Variants in CFAP70 observed in about 807,000 individuals in gnomAD.
CFAP70 encodes the protein cilia and flagella associated protein 70.
A neutral mutation model predicts 137.6 loss-of-function variants in CFAP70; 81 were observed. That is an observed-to-expected ratio of 0.59 (90% CI 0.49 to 0.71). CFAP70 has a LOEUF of 0.71. CFAP70 is among the 30% of genes least tolerant of loss of function. CFAP70 has a pLI of 0.00. For missense variants in CFAP70, 976 were observed against 1,226.7 expected (o/e 0.80, Z 3.05); for synonymous variants, 382 against 423.6 (o/e 0.90, Z 1.20).
chr10:73,293,640 G>A, intron 15 of CFAP70: 1 of 323,088 alleles, frequency 3.1e-6, no homozygotes. Context: ...AAATTGCTTA[G>A]GGCAGAAATA....
At chr10:73,270,338 A>G (rs954043618) in intron 24 of CFAP70, among the ~76,000 whole-genome samples, 2 of 151,860 alleles carry the variant, frequency 1.3e-5, no homozygotes, top group African/African-American at 4.8e-5. Flanking sequence ...TGCTTTGTAA[A>G]ACATTCCAAA....
At chr10:73,270,995 C>T (rs1189295767) in intron 24 of CFAP70, among the ~76,000 whole-genome samples, 3 of 152,142 alleles carry the variant, frequency 2.0e-5, no homozygotes, top group African/African-American at 7.2e-5. Flanking sequence ...TGCTCTGTGT[C>T]AGGCAGTATG....
At chr10:73,274,528 C>G (rs774444363) in exon 23 of CFAP70, 3 of 1,614,150 alleles carry the variant, frequency 1.9e-6, no homozygotes, top group Non-Finnish European at 2.5e-6. Flanking sequence ...TCATAGCATG[C>G]CTTGGCCTCA....
chr10:73,274,321 G>A, intron 23 of CFAP70, 112 bp downstream of exon 24: 1 of 1,240,952 alleles, frequency 8.1e-7, no homozygotes, highest in Non-Finnish European at 1.1e-6. Context: ...ACCTTTGGAT[G>A]TAAAAGTGTC....
At chr10:73,325,341 A>G (rs1184772080) in intron 8 of CFAP70, among the ~76,000 whole-genome samples, 1 of 152,200 alleles carries the variant, frequency 6.6e-6, no homozygotes, top group Non-Finnish European at 1.5e-5. Context: ...AGGAAGCACT[A>G]AACATGGAAA....
At chr10:73,327,571 T>C (rs1390990791) in intron 8 of CFAP70, among the ~76,000 whole-genome samples, 6 of 151,848 alleles carry the variant, frequency 4.0e-5, no homozygotes, top group African/African-American at 1.5e-4. Context: ...GATGACATGA[T>C]TGTATATCTA....
chr10:73,255,832 A>G (rs1236123555), intron 26 of CFAP70, among the ~76,000 whole-genome samples: 2 of 152,150 alleles, frequency 1.3e-5, no homozygotes, highest in Non-Finnish European at 2.9e-5. Context: ...GGCGTGAGCC[A>G]CCATGCCTGG....
chr10:73,348,012 T>C, intron 4 of CFAP70, 144 bp downstream of exon 5: 1 of 709,652 alleles, frequency 1.4e-6, no homozygotes. Context: ...CCTTATTATC[T>C]TTGTTTCCCA....
intron 7 of CFAP70, among the ~76,000 whole-genome samples, chr10:73,332,874 C>T (rs1219663751): frequency 6.6e-6 from 1 of 152,024 alleles, no homozygotes; most frequent in African/African-American, 2.4e-5. Context: ...AATTAAAGGG[C>T]TATAAAGAAT....
At position 73,314,970 on chromosome 10, in the gene CFAP70, T is replaced by C. The variant is rs189893559; in HGVS notation, c.913-2327A>G. Reference sequence around the variant, plus strand: ...TACTCACACCTGTAATCCCAGCACTTTGGGAGGCCAAGGCAGGAGGATCGT... The same window carrying C: ...TACTCACACCTGTAATCCCAGCACTCTGGGAGGCCAAGGCAGGAGGATCGT... On this transcript the variant is annotated intron_variant, in intron 9 of 26. Coordinates refer to ENST00000310715, the Ensembl canonical transcript of CFAP70. Among the ~76,000 whole-genome samples, 27 of 151,486 alleles carry C rather than the reference T, an allele frequency of 1.8e-4. 1 individual carries two copies. The highest frequency in any genetic ancestry group is 6.5e-4 in the African/African-American group (27 of 41,418).
At chr10:73,285,453 C>A (rs2047615656) in intron 19 of CFAP70, among the ~76,000 whole-genome samples, 1 of 152,058 alleles carries the variant, frequency 6.6e-6, no homozygotes, top group African/African-American at 2.4e-5. Context: ...CTGCTTCTGG[C>A]AATTATTGAC....
intron 7 of CFAP70, among the ~76,000 whole-genome samples, chr10:73,332,649 T>A (rs187334574): frequency 5.9e-4 from 90 of 152,308 alleles, no homozygotes; most frequent in African/African-American, 2.0e-3. Context: ...GAATTACAAC[T>A]GAGAGGGCTA....
At chr10:73,351,580 G>T (rs1057388258) in intron 3 of CFAP70, among the ~76,000 whole-genome samples, 1 of 151,988 alleles carries the variant, frequency 6.6e-6, no homozygotes, top group Non-Finnish European at 1.5e-5. Context: ...CTACAGGCAG[G>T]CTCCACCACG....
At chr10:73,285,739 A>G (rs1054952938) in intron 19 of CFAP70, among the ~76,000 whole-genome samples, 2 of 151,696 alleles carry the variant, frequency 1.3e-5, no homozygotes, top group Non-Finnish European at 2.9e-5. Context: ...GGTTCAAGCA[A>G]TTCTCCTGCC....
chr10:73,265,582 A>C (rs1317981016), intron 25 of CFAP70, among the ~76,000 whole-genome samples: 1 of 152,174 alleles, frequency 6.6e-6, no homozygotes, highest in Non-Finnish European at 1.5e-5. Context: ...GGTTGTTTCC[A>C]TTATTTTGCA....
rs2046634930 is a variant in CFAP70 at position 73,275,337 on chromosome 10, A to T, written c.2673+109T>A. On this transcript the variant is annotated intron_variant, in intron 22 of 26. Coordinates refer to ENST00000310715, the Ensembl canonical transcript of CFAP70. This position sits in a 1 kb window ranked among gnomAD's most constrained non-coding sequence, Gnocchi z 4.0. ...GGTATAGAGAGATGAGTTTACTGACAGCTGATGACCACCCTTCTGTTCACC... is the reference window on the plus strand; with the variant it reads ...GGTATAGAGAGATGAGTTTACTGACTGCTGATGACCACCCTTCTGTTCACC... The T allele has an allele frequency of 2.3e-6, 3 of 1,284,806 alleles. No homozygotes were observed. In the South Asian group the frequency reaches 4.7e-5, roughly 20 times the overall value. 79.6% of individuals were successfully genotyped at this position (1,284,806 alleles called of 1,614,324 possible).
intron 19 of CFAP70, among the ~76,000 whole-genome samples, chr10:73,286,872 C>T (rs368440619): frequency 1.4e-5 from 2 of 139,758 alleles, no homozygotes; most frequent in African/African-American, 3.3e-5. Flanking sequence ...GGGGATGGGC[C>T]GAAACAAAGG....
At chr10:73,325,196 A>G (rs2051282920) in intron 8 of CFAP70, among the ~76,000 whole-genome samples, 1 of 152,226 alleles carries the variant, frequency 6.6e-6, no homozygotes. Context: ...ATTCTTAAAG[A>G]AAAGAATTTT....
chr10:73,351,425 T>G (rs994875323), intron 3 of CFAP70, among the ~76,000 whole-genome samples: 13 of 151,402 alleles, frequency 8.6e-5, no homozygotes, highest in Non-Finnish European at 5.9e-5. Context: ...GTCATTGTTT[T>G]TTTGTTTGTT....
Sources: allele counts gnomAD v4.1 joint callset (sites outside exome capture counted in the v4.1 genomes callset), GRCh38; gene constraint gnomAD v4.1.1; non-coding constraint Gnocchi (gnomAD v3.1); transcripts MANE v1.5; gene names NCBI Gene and HGNC (gene_info 2026-07-23, HGNC 2026-07-21).